The following SELENBP1 variants were observed in gnomAD, a reference collection of about 807,000 sequenced individuals.
The protein encoded by SELENBP1 is methanethiol oxidase.
In SELENBP1, 71 loss-of-function variants were observed where a neutral mutation model predicts 61.0. The ratio of observed to expected loss-of-function variants is 1.16; its 90% CI spans 0.96 to 1.42. The LOEUF (loss-of-function observed/expected upper bound fraction) is 1.42, where lower values mean the gene tolerates loss of function less well. Among genes scored for constraint, SELENBP1 ranks in the 40% most tolerant of loss-of-function variants. The pLI, the probability that SELENBP1 is intolerant of heterozygous loss-of-function variation, is 0.00. For synonymous variants in SELENBP1, 270 were observed against 238.9 expected (o/e 1.13, Z -1.20); for missense variants, 561 against 605.0 (o/e 0.93, Z 0.76).
chr1:151,366,859 GTCCCC>G lies in SELENBP1; in HGVS notation c.522_526del (p.Lys174AsnfsTer14), dbSNP rs1651854054. The G allele has an allele frequency of 1.2e-6, 2 of 1,614,144 alleles. No homozygotes were observed. The highest frequency in any genetic ancestry group is 2.2e-5 in the East Asian group (1 of 44,880). ...TGCAGCACCCCCAGGTCTCTCCCAT[GTCCCC>G]TTCACCTCGAACGTCTCCCCATCCA... is the stretch of plus-strand genomic sequence containing the variant. On this transcript the variant is annotated frameshift_variant, in exon 6 of 12. Coordinates refer to ENST00000368868, the MANE Select transcript of SELENBP1 (RefSeq NM_003944.4). LOFTEE classifies it high-confidence loss of function.
At chr1:151,366,556 G>T in intron 6 of SELENBP1, 103 bp from the exon 7 acceptor site, 2 of 1,437,052 alleles carry the variant, frequency 1.4e-6, no homozygotes, top group Non-Finnish European at 9.6e-7. Flanking sequence ...GAAATGGATT[G>T]GAGGGATCAG....
In SELENBP1 at chr1:151,368,275, A is replaced by G. The variant is rs1651960246; in HGVS notation, c.405T>C (p.Phe135=). The stretch of plus-strand genomic sequence containing the variant: ...TGGCCAGGCAGTGGCTGGTGTGGAG[A>G]AAGGCCAGTTCGCACTTGGCATGGA... The part of the protein sequence containing the change: ...KDIHAKCELA[F]LHTSHCLASG... The change falls in exon 5 of 12, where the codon TTT becomes TTC. Residue 135 remains phenylalanine (F), a synonymous_variant. Transcript: ENST00000368868. 1 of 1,614,056 alleles carries G rather than the reference A, an allele frequency of 6.2e-7. No homozygotes were observed. Among genetic ancestry groups the G allele is most frequent in the Admixed American group, 1.7e-5 (1 of 59,996 alleles).
intron 4 of SELENBP1, 113 bp from the exon 5 acceptor site, chr1:151,368,432 C>T: frequency 7.1e-7 from 1 of 1,403,454 alleles, no homozygotes; most frequent in Non-Finnish European, 9.8e-7. Context: ...TCCTTCAAAA[C>T]ATGGACACAA....
intron 11 of SELENBP1, 37 bp from the exon 12 acceptor site, chr1:151,364,742 A>G (rs1220236840): frequency 1.9e-6 from 3 of 1,544,466 alleles, no homozygotes; most frequent in Non-Finnish European, 2.6e-6. Flanking sequence ...GAGAGGTCAG[A>G]GGTGGCTGCC....
intron 5 of SELENBP1, 130 bp from the exon 6 acceptor site, chr1:151,367,034 C>T: frequency 6.8e-7 from 1 of 1,473,814 alleles, no homozygotes; most frequent in Non-Finnish European, 9.0e-7. Context: ...CTGGATTTGC[C>T]AGTTCCTTAA....
At chr1:151,366,135 G>T in intron 7 of SELENBP1, 140 bp downstream of exon 7, 1 of 1,040,804 alleles carries the variant, frequency 9.6e-7, no homozygotes, top group African/African-American at 1.6e-5. Flanking sequence ...AGTTGCCCTA[G>T]CACTGAGAGA....
intron 11 of SELENBP1, 86 bp from the exon 12 acceptor site, chr1:151,364,791 G>A: frequency 6.6e-7 from 1 of 1,515,080 alleles, no homozygotes; most frequent in Non-Finnish European, 8.9e-7. Flanking sequence ...TCCTGAGGAA[G>A]GAGGAATGAC....
At chr1:151,370,523 C>T (rs72994101) in intron 1 of SELENBP1, among the ~76,000 whole-genome samples, 4,934 of 152,294 alleles carry the variant, frequency 0.032, 298 homozygotes, top group African/African-American at 0.11. Flanking sequence ...TTTGGCCCAA[C>T]TCTGGAGAGC....
rs762652006 is a variant in SELENBP1 at position 151,365,327 on chromosome 1, G to A, written c.1045-46C>T. The A allele has an allele frequency of 6.9e-5, 108 of 1,560,426 alleles. 1 individual carries two copies. The highest frequency in any genetic ancestry group is 1.7e-4 in the Admixed American group (10 of 58,682). On this transcript the variant is annotated intron_variant, in intron 9 of 11. Coordinates refer to ENST00000368868, the MANE Select transcript of SELENBP1 (RefSeq NM_003944.4). ...TATAAGGAGGACCATAGTGGGAGGC[G>A]CAAACATTGCAGGAAGAGCAGCTTG...
intron 11 of SELENBP1, 45 bp from the exon 12 acceptor site, chr1:151,364,750 G>T (rs1382465278): frequency 2.0e-6 from 3 of 1,537,460 alleles, no homozygotes; most frequent in Non-Finnish European, 2.6e-6. Context: ...AGAGGTGGCT[G>T]CCCCCTTCCC....
chr1:151,367,078 C>G, intron 5 of SELENBP1, 174 bp from the exon 6 acceptor site: 1 of 1,413,832 alleles, frequency 7.1e-7, no homozygotes, highest in Non-Finnish European at 9.2e-7. Flanking sequence ...AAGAGTGGCT[C>G]ATGCCAGTAA....
In SELENBP1 at chr1:151,366,875, A is replaced by G; in HGVS notation, c.511T>C (p.Phe171Leu). Residue 171 changes from phenylalanine to leucine, a missense_variant, in exon 6 of 12, where the codon TTC (phenylalanine) becomes CTC (leucine). Phe to Leu is a conservative substitution (Grantham distance 22). Transcript: ENST00000368868. The part of the protein sequence containing the change: ...GGFVLLDGET[F>L]EVKGTWERPG... ...CTCTCCCATGTCCCCTTCACCTCGA[A>G]CGTCTCCCCATCCAGCAGCACAAAA... 1 of 1,614,054 alleles carries G rather than the reference A, an allele frequency of 6.2e-7. No individual in the cohort carries two copies. The highest frequency in any genetic ancestry group is 2.2e-5 in the East Asian group (1 of 44,868).
At chr1:151,364,767 T>C in intron 11 of SELENBP1, 62 bp from the exon 12 acceptor site, 1 of 1,528,696 alleles carries the variant, frequency 6.5e-7, no homozygotes, top group Non-Finnish European at 8.8e-7. Flanking sequence ...TCCCCTAAGA[T>C]TTTAGGGGAA....
intron 4 of SELENBP1, 136 bp downstream of exon 4, chr1:151,368,868 C>T: frequency 1.1e-6 from 1 of 893,836 alleles, no homozygotes; most frequent in Non-Finnish European, 1.7e-6. Flanking sequence ...TGAGGTCCAA[C>T]CTCCCTCCCT....
Position 151,369,554 on chromosome 1 carries a change from C to G in SELENBP1, c.62G>C (p.Gly21Ala), listed in dbSNP as rs770256192. The G allele has an allele frequency of 6.9e-6, 11 of 1,603,018 alleles. No individual in the cohort carries two copies. The Admixed American group carries it at 1.9e-4, about 28-fold the overall frequency. The change falls in exon 3 of 12, where the codon GGA becomes GCA. Residue 21 changes from glycine (G) to alanine (A), a missense_variant and splice_region_variant. Coordinates refer to ENST00000368868, the MANE Select transcript of SELENBP1 (RefSeq NM_003944.4). ...GYSTPLEAMKGPREEIVYLPC... is the reference protein window; with the variant it reads ...GYSTPLEAMKAPREEIVYLPC... ...CAGGTAGACGATCTCTTCCCTGGGT[C>G]CTGCACGGTAGAAAGCAGGCAGCAG...
chr1:151,366,690 AG>A (rs1190148827), intron 6 of SELENBP1, 31 bp downstream of exon 6: 1 of 1,606,694 alleles, frequency 6.2e-7, no homozygotes, highest in Non-Finnish European at 8.5e-7. Context: ...TGTAGGCCCA[AG>A]GCTCCTGCTG....
At chr1:151,371,073 T>C (rs1426865971) in intron 1 of SELENBP1, among the ~76,000 whole-genome samples, 1 of 152,138 alleles carries the variant, frequency 6.6e-6, no homozygotes, top group Admixed American at 6.6e-5. Flanking sequence ...AGACAATGTA[T>C]TCCAAAGGCC....
chr1:151,369,585 G>A, intron 2 of SELENBP1, 31 bp from the exon 3 acceptor site: 3 of 1,577,800 alleles, frequency 1.9e-6, no homozygotes, highest in Admixed American at 1.9e-5. Context: ...AGCAGGGACG[G>A]CAGGGTGGGA....
intron 7 of SELENBP1, chr1:151,366,053 T>C: frequency 1.4e-6 from 1 of 722,470 alleles, no homozygotes; most frequent in East Asian, 2.6e-5. Context: ...CATAGCACAG[T>C]GCCTAGCACA....
Sources: allele counts gnomAD v4.1 joint callset (sites outside exome capture counted in the v4.1 genomes callset), GRCh38; gene constraint gnomAD v4.1.1; transcripts MANE v1.5; gene names NCBI Gene and HGNC (gene_info 2026-07-23, HGNC 2026-07-21).